The following FBXO4 variants were observed in gnomAD, a reference collection of about 807,000 sequenced individuals.
The protein encoded by FBXO4 is F-box protein 4, also known as F-box only protein 4.
In FBXO4, 36 loss-of-function variants were observed where a neutral mutation model predicts 43.7. The observed-to-expected ratio is 0.82, with a 90% confidence interval of 0.63 to 1.09. FBXO4 has a LOEUF of 1.09. Ranked by LOEUF, FBXO4 falls within the 50% of genes least tolerant of loss-of-function variation. The pLI, the probability that FBXO4 is intolerant of heterozygous loss-of-function variation, is 0.00. For synonymous variants in FBXO4, 180 were observed against 165.6 expected (o/e 1.09, Z -0.67); for missense variants, 435 against 474.1 (o/e 0.92, Z 0.77).
the FBXO4 span, among the ~76,000 whole-genome samples, chr5:41,957,013 T>G: frequency 6.6e-6 from 1 of 152,196 alleles, no homozygotes; most frequent in African/African-American, 2.4e-5. Context: ...CGCCTGGCCT[T>G]TTTTTCTTTG....
the FBXO4 span, among the ~76,000 whole-genome samples, chr5:42,007,109 T>C: frequency 1.4e-3 from 205 of 151,384 alleles, no homozygotes; most frequent in African/African-American, 4.8e-3. Flanking sequence ...TGATCTTATT[T>C]GGAAATTTAC....
the FBXO4 span, among the ~76,000 whole-genome samples, chr5:41,994,294 T>C: frequency 6.6e-6 from 1 of 152,222 alleles, no homozygotes. Context: ...AATGAAGATA[T>C]TTCCTTAGTA....
chr5:42,020,235 G>A, the FBXO4 span, among the ~76,000 whole-genome samples: 4 of 152,024 alleles, frequency 2.6e-5, no homozygotes, highest in Non-Finnish European at 5.9e-5. Context: ...AATTATTTAC[G>A]GGATAGTAAT....
At chr5:42,039,587 T>C in the FBXO4 span, among the ~76,000 whole-genome samples, 1 of 152,086 alleles carries the variant, frequency 6.6e-6, no homozygotes, top group Non-Finnish European at 1.5e-5. Flanking sequence ...TGGTGACAGA[T>C]GTACTCTGGG....
chr5:41,946,269 G>A (rs929964177), downstream of FBXO4, among the ~76,000 whole-genome samples: 43 of 152,094 alleles, frequency 2.8e-4, no homozygotes, highest in Admixed American at 5.2e-4. Context: ...GCCAGATCCC[G>A]CAATATATTT....
At chr5:42,018,178 A>T in the FBXO4 span, among the ~76,000 whole-genome samples, 1 of 149,358 alleles carries the variant, frequency 6.7e-6, no homozygotes, top group African/African-American at 2.4e-5. Context: ...ATAAACTAAA[A>T]TATATGTGTA....
At chr5:41,968,148 C>T in the FBXO4 span, 1 of 270,406 alleles carries the variant, frequency 3.7e-6, no homozygotes, top group South Asian at 4.4e-5. Flanking sequence ...GAGTGAGTAT[C>T]TGACTGCAAA....
At chr5:41,957,445 A>AATTAT in the FBXO4 span, among the ~76,000 whole-genome samples, 11,747 of 147,964 alleles carry the variant, frequency 0.079, 659 homozygotes, top group African/African-American at 0.16. Context: ...ATAATTATAT[A>AATTAT]ATTATATTAT....
intron 5 of FBXO4, among the ~76,000 whole-genome samples, chr5:41,937,435 G>A (rs1751878332): frequency 6.6e-6 from 1 of 152,056 alleles, no homozygotes. Context: ...GAAAATAAAG[G>A]CAATGTTAAG....
chr5:41,947,707 AATGAGAGAGGTAGTCAT>A, the FBXO4 span, among the ~76,000 whole-genome samples: 1 of 152,194 alleles, frequency 6.6e-6, no homozygotes, highest in African/African-American at 2.4e-5. Flanking sequence ...TGTAAGATAA[AATGAGAGAGGTAGTCAT>A]ATGTAGGCTG....
the FBXO4 span, among the ~76,000 whole-genome samples, chr5:42,017,632 A>G: frequency 6.8e-6 from 1 of 148,098 alleles, no homozygotes; most frequent in African/African-American, 2.5e-5. Context: ...CATTGTTGCC[A>G]TCTTTATGTC....
the FBXO4 span, among the ~76,000 whole-genome samples, chr5:41,955,020 A>G: frequency 6.6e-6 from 1 of 152,190 alleles, no homozygotes; most frequent in Non-Finnish European, 1.5e-5. Context: ...CCCTCTCCAG[A>G]GTAGAAGGTG....
At chr5:41,960,671 A>G in the FBXO4 span, among the ~76,000 whole-genome samples, 3 of 152,048 alleles carry the variant, frequency 2.0e-5, no homozygotes, top group African/African-American at 4.8e-5. Context: ...GATCATGGTG[A>G]ATTATTCTGG....
chr5:42,001,201 C>T, the FBXO4 span, among the ~76,000 whole-genome samples: 1 of 151,442 alleles, frequency 6.6e-6, no homozygotes, highest in African/African-American at 2.4e-5. Context: ...TTCTTCAAAT[C>T]CATGAAAACA....
chr5:42,024,584 T>C, the FBXO4 span, among the ~76,000 whole-genome samples: 1 of 152,036 alleles, frequency 6.6e-6, no homozygotes, highest in African/African-American at 2.4e-5. Context: ...TTTTAGTTAT[T>C]TTACAATGTA....
At chr5:41,974,125 G>C in the FBXO4 span, among the ~76,000 whole-genome samples, 17 of 151,734 alleles carry the variant, frequency 1.1e-4, no homozygotes, top group African/African-American at 3.4e-4. Context: ...TTTTTCTTTT[G>C]TTGTCTCAAC....
chr5:42,034,678 G>C, the FBXO4 span, among the ~76,000 whole-genome samples: 634 of 152,038 alleles, frequency 4.2e-3, 3 homozygotes, highest in Non-Finnish European at 6.2e-3. Context: ...GGTTGTAGAT[G>C]TATGGTGTTA....
At chr5:41,981,391 A>T in the FBXO4 span, among the ~76,000 whole-genome samples, 1 of 151,456 alleles carries the variant, frequency 6.6e-6, no homozygotes, top group Non-Finnish European at 1.5e-5. Flanking sequence ...ATTTTTTTTT[A>T]AATGGTAAAT....
chr5:41,928,078 TATTCTA>T (rs1171131315), intron 2 of FBXO4, among the ~76,000 whole-genome samples: 11 of 152,210 alleles, frequency 7.2e-5, no homozygotes, highest in African/African-American at 2.7e-4. Context: ...AGCCTTTCCT[TATTCTA>T]ATACAGATGC....
Sources: allele counts gnomAD v4.1 joint callset (sites outside exome capture counted in the v4.1 genomes callset), GRCh38; gene constraint gnomAD v4.1.1; transcripts MANE v1.5; gene names NCBI Gene and HGNC (gene_info 2026-07-23, HGNC 2026-07-21).